The following GLIS3 variants were observed in gnomAD, a reference collection of about 807,000 sequenced individuals.
GLIS3 encodes the protein GLIS family zinc finger 3, also known as zinc finger protein GLIS3.
GLIS3 carries 53 observed loss-of-function variants against 78.6 expected under a neutral mutation model. That is an observed-to-expected ratio of 0.67 (90% CI 0.54 to 0.85). The LOEUF is 0.85. GLIS3 is among the 40% of genes least tolerant of loss of function. GLIS3 has a pLI of 0.00. For missense variants in GLIS3, 1,703 were observed against 1,231.1 expected (o/e 1.38, Z -5.74); for synonymous variants, 684 against 509.9 (o/e 1.34, Z -4.60).
chr9:3,924,285 G>T (rs1472389423), intron 6 of GLIS3, among the ~76,000 whole-genome samples: 1 of 152,196 alleles, frequency 6.6e-6, no homozygotes, highest in Non-Finnish European at 1.5e-5. Flanking sequence ...GACTGCTATG[G>T]ATTGCAGGTA....
chr9:3,989,206 C>T (rs2129736658), intron 4 of GLIS3, among the ~76,000 whole-genome samples: 1 of 152,210 alleles, frequency 6.6e-6, no homozygotes, highest in South Asian at 2.1e-4. Context: ...AATATTACTA[C>T]ATGCCTATCA....
At chr9:4,345,434 C>T (rs1435065641) in intron 2 of GLIS3, among the ~76,000 whole-genome samples, 7 of 152,128 alleles carry the variant, frequency 4.6e-5, no homozygotes. Context: ...TGTTTATTGT[C>T]TGGCTCTCCC....
At chr9:3,872,070 G>A (rs186047528) in intron 8 of GLIS3, among the ~76,000 whole-genome samples, 87 of 152,256 alleles carry the variant, frequency 5.7e-4, no homozygotes, top group African/African-American at 1.9e-3. Flanking sequence ...CAAATCTCCA[G>A]GGCAGAGGCA....
chr9:3,935,587 CA>C (rs1825856808), intron 5 of GLIS3, among the ~76,000 whole-genome samples: 2 of 152,280 alleles, frequency 1.3e-5, no homozygotes, highest in Admixed American at 1.3e-4. Context: ...GGAGTAGAAG[CA>C]ATTTCTCAAG....
At chr9:4,383,933 C>G in the GLIS3 span, among the ~76,000 whole-genome samples, 1 of 152,310 alleles carries the variant, frequency 6.6e-6, no homozygotes, top group South Asian at 2.1e-4. Flanking sequence ...AGAGAGAGCA[C>G]GAACCCCTCA....
the GLIS3 span, among the ~76,000 whole-genome samples, chr9:4,398,608 C>G: frequency 6.6e-6 from 1 of 152,016 alleles, no homozygotes; most frequent in Non-Finnish European, 1.5e-5. Flanking sequence ...CTAAAAGTGG[C>G]TCCTCACTCA....
the GLIS3 span, among the ~76,000 whole-genome samples, chr9:4,370,916 C>G: frequency 6.6e-6 from 1 of 151,950 alleles, no homozygotes; most frequent in Non-Finnish European, 1.5e-5. Context: ...GATATCATAA[C>G]GCCTTCAAAA....
intron 4 of GLIS3, among the ~76,000 whole-genome samples, chr9:4,017,527 G>A (rs1332664987): frequency 6.6e-6 from 1 of 152,180 alleles, no homozygotes; most frequent in Non-Finnish European, 1.5e-5. Flanking sequence ...TAAGCAACTG[G>A]AGAAGGGAGA....
At chr9:3,865,380 G>C (rs1330186324) in intron 8 of GLIS3, among the ~76,000 whole-genome samples, 5 of 152,200 alleles carry the variant, frequency 3.3e-5, no homozygotes, top group African/African-American at 1.2e-4. Context: ...AAAAGACTAA[G>C]TAGAGGCAAT....
At chr9:4,254,733 G>A (rs1333802393) in intron 2 of GLIS3, among the ~76,000 whole-genome samples, 3 of 151,854 alleles carry the variant, frequency 2.0e-5, no homozygotes, top group African/African-American at 7.3e-5. Context: ...CCAGCTACTC[G>A]GGAGGCTGAG....
the GLIS3 span, among the ~76,000 whole-genome samples, chr9:4,379,725 T>C: frequency 5.9e-5 from 9 of 152,256 alleles, no homozygotes; most frequent in African/African-American, 9.6e-5. Flanking sequence ...GAATAAAACA[T>C]ATTCATTCGC....
chr9:3,991,246 G>A (rs956546337), intron 4 of GLIS3, among the ~76,000 whole-genome samples: 2 of 151,986 alleles, frequency 1.3e-5, no homozygotes, highest in Non-Finnish European at 2.9e-5. Context: ...GTACAAATGG[G>A]TACAATAGTA....
At chr9:4,464,640 C>T in the GLIS3 span, among the ~76,000 whole-genome samples, 3 of 152,304 alleles carry the variant, frequency 2.0e-5, no homozygotes, top group East Asian at 3.9e-4. Context: ...AGTGATCCAC[C>T]TCCTTTGGCC....
At position 4,279,332 on chromosome 9, in the gene GLIS3, C is replaced by T. The variant is rs1188941030; in HGVS notation, c.388+6706G>A. 8.4e-3 allele frequency among the ~76,000 whole-genome samples: 666 copies of T among 79,188 alleles called. 9 individuals are homozygous for T. Among genetic ancestry groups the T allele is most frequent in the Non-Finnish European group, 0.013 (532 of 41,166 alleles). 52.0% of individuals were successfully genotyped at this position (79,188 alleles called of 152,430 possible). A position where few individuals can be genotyped will look rare whatever the true frequency, so the allele number is the denominator to read the frequency against. On this transcript the variant is annotated intron_variant, in intron 2 of 10. Transcript: ENST00000381971. ...AAAAAAAAATATATATATACACACA[C>T]ACACACACACACACACACACACACA...
intron 4 of GLIS3, among the ~76,000 whole-genome samples, chr9:4,024,483 A>T (rs1823148055): frequency 6.6e-6 from 1 of 152,184 alleles, no homozygotes. Flanking sequence ...GGGCTGCTCC[A>T]TGTGGCCACT....
intron 4 of GLIS3, among the ~76,000 whole-genome samples, chr9:4,066,207 G>T (rs1827084709): frequency 6.6e-6 from 1 of 152,118 alleles, no homozygotes; most frequent in Non-Finnish European, 1.5e-5. Context: ...AACCCTATCT[G>T]TAACACCCTG....
chr9:4,354,377 G>C, the GLIS3 span, among the ~76,000 whole-genome samples: 1 of 152,200 alleles, frequency 6.6e-6, no homozygotes, highest in African/African-American at 2.4e-5. Context: ...CACCCTGTTA[G>C]CAGGCATGGG....
chr9:4,439,272 T>C, the GLIS3 span, among the ~76,000 whole-genome samples: 1 of 152,234 alleles, frequency 6.6e-6, no homozygotes, highest in Admixed American at 6.5e-5. Flanking sequence ...TCACGTATCA[T>C]ACAATTCACA....
At chr9:3,896,941 T>C (rs1289753126) in intron 7 of GLIS3, among the ~76,000 whole-genome samples, 1 of 152,104 alleles carries the variant, frequency 6.6e-6, no homozygotes, top group East Asian at 1.9e-4. Flanking sequence ...AATAGAGTCA[T>C]GGACAAAAAG....
Sources: gnomAD v4.1 joint callset for allele counts (sites outside exome capture counted in the v4.1 genomes callset) on GRCh38, gnomAD v4.1.1 for gene constraint, MANE v1.5 for transcripts, NCBI Gene and HGNC (gene_info 2026-07-23, HGNC 2026-07-21) for gene names.